The following PRDM15 variants were observed in gnomAD, a reference collection of about 807,000 sequenced individuals.
PRDM15 encodes the protein PR/SET domain 15.
A neutral mutation model predicts 128.6 loss-of-function variants in PRDM15; 64 were observed. The observed-to-expected ratio is 0.50, with a 90% CI of 0.41 to 0.61. The LOEUF (loss-of-function observed/expected upper bound fraction) is 0.61, where lower values mean the gene tolerates loss of function less well. Ranked by LOEUF, PRDM15 falls within the 20% of genes least tolerant of loss-of-function variation. PRDM15 has a pLI of 0.00. For missense variants in PRDM15, 1,242 were observed against 1,569.1 expected, an observed-to-expected ratio of 0.79 and a Z score of 3.52; for synonymous variants, 615 against 621.8, an observed-to-expected ratio of 0.99 and a Z score of 0.16.
At position 41,821,928 on chromosome 21, in the gene PRDM15, T is replaced by C. The variant is rs1411267602; in HGVS notation, c.1871A>G (p.His624Arg). The C allele has an allele frequency of 3.7e-6, 6 of 1,613,994 alleles. No individual in the cohort carries two copies. The Admixed American group carries it at 5.0e-5, about 13-fold the overall frequency. The change falls in exon 15 of 24, where the codon CAC becomes CGC. Residue 624 changes from histidine (H) to arginine (R), a missense_variant. Physicochemically the swap from His to Arg is conservative, Grantham distance 29. This residue lies in a region of PRDM15 where 602 missense variants were observed against 788.3 expected (regional missense o/e 0.76). Transcript: ENST00000398548. This position sits in a 1 kb window ranked among gnomAD's most constrained non-coding sequence, Gnocchi z 5.4. ...CTGGCACCGCTTGCAGCTGTACTTGTGAGGCTCCGAGTCTGCGCTCTCGTC... is the reference window on the plus strand; with the variant it reads ...CTGGCACCGCTTGCAGCTGTACTTGCGAGGCTCCGAGTCTGCGCTCTCGTC... ...NSDESADSEP[H>R]KYSCKRCQLT...
Position 41,871,382 on chromosome 21 carries a change from T to C in PRDM15, c.-10+7888A>G, listed in dbSNP as rs896396695. On this transcript the variant is annotated intron_variant, in intron 1 of 23. Transcript: ENST00000398548. Reference sequence around the variant, plus strand: ...CTGCACCACCACCTCTGCCTCTGCCTGGGGTCACCCTCTCTGTCACTGTCC... The same window carrying C: ...CTGCACCACCACCTCTGCCTCTGCCCGGGGTCACCCTCTCTGTCACTGTCC... 1.5e-5 allele frequency: 6 copies of C among 408,102 alleles called. No homozygotes were observed. The Admixed American group carries it at 3.0e-4, about 20-fold the overall frequency. The allele number at this position is 408,102 out of a possible 1,614,324, so 25.3% of individuals were successfully genotyped here.
At chr21:41,802,637 G>T in intron 23 of PRDM15, 75 bp downstream of exon 23, 1 of 1,196,194 alleles carries the variant, frequency 8.4e-7, no homozygotes, top group Non-Finnish European at 1.3e-6. Context: ...AAGAGATGGA[G>T]TCACACACAC....
Position 41,850,236 on chromosome 21 carries a change from C to A in PRDM15, c.539-3045G>T, listed in dbSNP as rs190848843. On this transcript the variant is annotated intron_variant, in intron 5 of 23. Coordinates refer to ENST00000398548, the MANE Select transcript of PRDM15 (RefSeq NM_001040424.3). ...GAGCGAGACTAAAAGGGAACAGAAG[C>A]TGGTGGGGACGGGATGTCCCATAAC... Among the ~76,000 whole-genome samples, 821 of 151,558 alleles carry A rather than the reference C, an allele frequency of 5.4e-3. 7 individuals are homozygous for A. The highest frequency in any genetic ancestry group is 0.044 in the South Asian group (210 of 4,800).
intron 6 of PRDM15, among the ~76,000 whole-genome samples, chr21:41,846,431 C>T (rs903494970): frequency 1.3e-5 from 2 of 152,220 alleles, no homozygotes; most frequent in East Asian, 1.9e-4. Context: ...AGGCTGGGCA[C>T]GGTGGCTCAC....
At chr21:41,872,728 C>T (rs2064257636) in intron 1 of PRDM15, among the ~76,000 whole-genome samples, 1 of 152,128 alleles carries the variant, frequency 6.6e-6, no homozygotes, top group Non-Finnish European at 1.5e-5. Flanking sequence ...GGTGGTGGTT[C>T]AGGAGGTCGG....
chr21:41,843,020 G>C lies in PRDM15; in HGVS notation c.641-3167C>G, dbSNP rs964248296. Among the ~76,000 whole-genome samples the C allele has an allele frequency of 1.0e-3, 153 of 151,584 alleles. 1 individual carries two copies. The highest frequency in any genetic ancestry group is 3.4e-3 in the African/African-American group (140 of 41,264). Reference sequence around the variant, plus strand: ...GGCTGGTCTCAAACTCCTGACCTCAGGTGATCCACCTGCCTCAGCCTCCCA... The same window carrying C: ...GGCTGGTCTCAAACTCCTGACCTCACGTGATCCACCTGCCTCAGCCTCCCA... On this transcript the variant is annotated intron_variant, in intron 6 of 23. Coordinates refer to ENST00000398548, the MANE Select transcript of PRDM15 (RefSeq NM_001040424.3).
chr21:41,875,816 C>T lies in PRDM15; in HGVS notation c.-10+3454G>A, dbSNP rs565256242. Among the ~76,000 whole-genome samples the T allele has an allele frequency of 3.3e-5, 5 of 152,316 alleles. No individual in the cohort carries two copies. In the East Asian group the frequency reaches 7.7e-4, roughly 23 times the overall value. On this transcript the variant is annotated intron_variant, in intron 1 of 23. Transcript: ENST00000398548. ...TCCTACAACCATAGGGCTGTGCTAA[C>T]GTCTCCCGAATCATCACCGCAGTAC...
intron 13 of PRDM15, among the ~76,000 whole-genome samples, chr21:41,825,605 G>A (rs28494714): frequency 0.023 from 3,461 of 147,784 alleles, 128 homozygotes; most frequent in African/African-American, 0.082. Flanking sequence ...GTCCCCCTGC[G>A]TCCTCATTCA....
rs566311523 is a variant in PRDM15, at chr21:41,877,184, C to A, written c.-10+2086G>T. 1.5e-3 allele frequency: 227 copies of A among 153,510 alleles called. 1 individual carries two copies. Among genetic ancestry groups the A allele is most frequent in the Non-Finnish European group, 2.9e-3 (196 of 68,760 alleles). 9.5% of individuals were successfully genotyped at this position (153,510 alleles called of 1,614,324 possible). A position where few individuals can be genotyped will look rare whatever the true frequency, so the allele number is the denominator to read the frequency against. On this transcript the variant is annotated intron_variant, in intron 1 of 23. Coordinates refer to ENST00000398548, the MANE Select transcript of PRDM15 (RefSeq NM_001040424.3). ...ACTGTGGCCCCTCCTCAGACAGCCC[C>A]TTCTAGTCCCAGCCCCCAAGTGCCC...
chr21:41,859,179 G>A lies in PRDM15; in HGVS notation c.131+413C>T, dbSNP rs140958317. On this transcript the variant is annotated intron_variant, in intron 3 of 23. Transcript: ENST00000398548. This position sits in a 1 kb window ranked among gnomAD's most constrained non-coding sequence, Gnocchi z 5.3. ...GCCCTGTCCCTGTCCTCATAACCCC[G>A]CATCCCCTGCCCCGCCTGGGTGTGC... The A allele has an allele frequency of 2.2e-5, 35 of 1,613,816 alleles. No individual in the cohort carries two copies. In the African/African-American group the frequency reaches 3.3e-4, roughly 15 times the overall value.
chr21:41,853,187 G>A (rs1278771708), intron 5 of PRDM15, among the ~76,000 whole-genome samples: 2 of 152,182 alleles, frequency 1.3e-5, no homozygotes, highest in African/African-American at 2.4e-5. Context: ...GCGCAGCGCC[G>A]GGACACTCCC....
chr21:41,816,143 C>A (rs560492106), intron 18 of PRDM15, among the ~76,000 whole-genome samples: 32 of 152,346 alleles, frequency 2.1e-4, no homozygotes, highest in African/African-American at 6.5e-4. Flanking sequence ...GGCAACCCGG[C>A]GGGAGAATTC....
At position 41,822,152 on chromosome 21, in the gene PRDM15, G is replaced by C. The variant is rs2062299312; in HGVS notation, c.1762-115C>G. 4.2e-6 allele frequency: 6 copies of C among 1,421,882 alleles called. No individual in the cohort carries two copies. The Admixed American group carries it at 8.7e-5, about 21-fold the overall frequency. The allele number at this position is 1,421,882 out of a possible 1,614,324, so 88.1% of individuals were successfully genotyped here. A position where few individuals can be genotyped will look rare whatever the true frequency, so the allele number is the denominator to read the frequency against. On this transcript the variant is annotated intron_variant, in intron 14 of 23. Coordinates refer to ENST00000398548, the MANE Select transcript of PRDM15 (RefSeq NM_001040424.3). ...CAGATGCAGAAGAAAATGCCTCTCT[G>C]ATGCCCGTGGCGCCCTAACGAGCTA... is the stretch of plus-strand genomic sequence containing the variant.
intron 7 of PRDM15, 54 bp downstream of exon 7, chr21:41,839,569 C>T (rs539814386): frequency 3.8e-5 from 58 of 1,517,086 alleles, no homozygotes; most frequent in South Asian, 4.5e-5. Context: ...AGCCCTCGGG[C>T]GCCAGGAGGG....
At chr21:41,815,583 C>T (rs547650657) in intron 19 of PRDM15, 122 bp downstream of exon 19, 25 of 1,363,446 alleles carry the variant, frequency 1.8e-5, no homozygotes, top group East Asian at 7.2e-5. Context: ...TTGGGGAACC[C>T]GGCACTCAGT....
chr21:41,851,361 A>C (rs112404267), intron 5 of PRDM15, among the ~76,000 whole-genome samples: 8,022 of 152,296 alleles, frequency 0.053, 675 homozygotes, highest in African/African-American at 0.18. Context: ...AGACGCAGGC[A>C]GCGTTGGGCT....
chr21:41,878,733 G>C (rs777634728), intron 1 of PRDM15: 1 of 1,569,072 alleles, frequency 6.4e-7, no homozygotes. Context: ...TGGGGGTCCA[G>C]GGACCCCCCC....
chr21:41,811,051 A>C lies in PRDM15; in HGVS notation c.2393-215T>G. On this transcript the variant is annotated intron_variant, in intron 19 of 23. Coordinates refer to ENST00000398548, the MANE Select transcript of PRDM15 (RefSeq NM_001040424.3). This position sits in a 1 kb window ranked among gnomAD's most constrained non-coding sequence, Gnocchi z 4.1. The stretch of plus-strand genomic sequence containing the variant: ...CTTCCATAGTGACATTTCATATCAA[A>C]AAAACATGAGATGTGGGAAAGGCTG... 1.9e-6 allele frequency: 1 copy of C among 538,606 alleles called. No homozygotes were observed. The highest frequency in any genetic ancestry group is 3.3e-6 in the Non-Finnish European group (1 of 298,606). 33.4% of individuals were successfully genotyped at this position (538,606 alleles called of 1,614,324 possible).
chr21:41,809,842 T>C (rs949325662), intron 21 of PRDM15, among the ~76,000 whole-genome samples: 1 of 152,150 alleles, frequency 6.6e-6, no homozygotes, highest in South Asian at 2.1e-4. Context: ...GGAGCCCCCA[T>C]TTTGCACATT....
Sources: allele counts gnomAD v4.1 joint callset (sites outside exome capture counted in the v4.1 genomes callset), GRCh38; gene constraint gnomAD v4.1.1; regional missense constraint gnomAD v4.1.1; non-coding constraint Gnocchi (gnomAD v3.1); transcripts MANE v1.5; gene names NCBI Gene and HGNC (gene_info 2026-07-23, HGNC 2026-07-21).